Variants in MED28 observed in about 807,000 individuals in gnomAD.
MED28 encodes the protein mediator complex subunit 28, also known as mediator of RNA polymerase II transcription subunit 28.
Under a neutral mutation model 21.3 loss-of-function variants are expected in MED28, and 26 were observed. That is an observed-to-expected ratio of 1.22 (90% CI 0.89 to 1.69). The LOEUF is 1.69. MED28 is among the 40% of genes most tolerant of loss of function. The pLI is 0.00. For missense variants in MED28, 257 were observed against 215.4 expected, an observed-to-expected ratio of 1.19 and a Z score of -1.21; for synonymous variants, 110 against 87.6, an observed-to-expected ratio of 1.26 and a Z score of -1.43.
At position 17,622,425 on chromosome 4, in the gene MED28, A is replaced by G. The variant is rs191804954; in HGVS notation, c.339+726A>G. Among the ~76,000 whole-genome samples, 266 of 152,344 alleles carry G rather than the reference A, an allele frequency of 1.7e-3. 1 individual carries two copies. The highest frequency in any genetic ancestry group is 6.0e-3 in the African/African-American group (248 of 41,578). On this transcript the variant is annotated intron_variant, in intron 3 of 3. Coordinates refer to ENST00000237380, the MANE Select transcript of MED28 (RefSeq NM_025205.5). ...AGCTATTCTTACAGTTTATCATGTC[A>G]GATCATTTCCTGATGTGAATACTTG...
chr4:17,632,433 C>T lies in MED28; in HGVS notation c.*8635C>T, dbSNP rs1377185363. 6.1e-6 allele frequency: 6 copies of T among 987,760 alleles called. No homozygotes were observed. The highest frequency in any genetic ancestry group is 2.3e-4 in the Middle Eastern group (1 of 4,310). 61.2% of individuals were successfully genotyped at this position (987,760 alleles called of 1,614,324 possible). A position where few individuals can be genotyped will look rare whatever the true frequency, so the allele number is the denominator to read the frequency against. On this transcript the variant is annotated 3_prime_UTR_variant, in exon 4 of 4. Transcript: ENST00000237380. ...TTAGCTATCATATATAAATCATAAG[C>T]ATATTATTTGGTTGGTTGGTGTTAG...
At chr4:17,619,988 C>T (rs1383562148) in intron 2 of MED28, 21 bp downstream of exon 2, 1 of 1,607,652 alleles carries the variant, frequency 6.2e-7, no homozygotes, top group South Asian at 1.1e-5. Flanking sequence ...CCTCTGTGTA[C>T]ACAATGTTCT....
At chr4:17,616,971 C>T (rs951144616) in intron 1 of MED28, among the ~76,000 whole-genome samples, 2 of 152,188 alleles carry the variant, frequency 1.3e-5, no homozygotes, top group East Asian at 1.9e-4. Context: ...GAAAACCAGT[C>T]CCTGCCTTCA....
chr4:17,618,314 T>G (rs1265511528), intron 1 of MED28, among the ~76,000 whole-genome samples: 3 of 152,028 alleles, frequency 2.0e-5, no homozygotes, highest in Non-Finnish European at 2.9e-5. Context: ...ACCCTAAATT[T>G]TTTTCTTGAG....
At position 17,623,657 on chromosome 4, in the gene MED28, C is replaced by T. The variant is rs769153702; in HGVS notation, c.396C>T (p.His132=). The change falls in exon 4 of 4, where the codon CAC becomes CAT. Residue 132 remains histidine (H), a synonymous_variant. Coordinates refer to ENST00000237380, the MANE Select transcript of MED28 (RefSeq NM_025205.5). The part of the protein sequence containing the change: ...LQRKDALVQK[H]LTKLRHWQQV... Reference sequence around the variant, plus strand: ...GGAAAGATGCACTAGTCCAGAAGCACTTGACAAAGCTGAGGCATTGGCAGC... The same window carrying T: ...GGAAAGATGCACTAGTCCAGAAGCATTTGACAAAGCTGAGGCATTGGCAGC... The T allele has an allele frequency of 6.2e-7, 1 of 1,614,212 alleles. No homozygotes were observed.
At chr4:17,620,823 C>A (rs926547325) in intron 2 of MED28, among the ~76,000 whole-genome samples, 1 of 151,736 alleles carries the variant, frequency 6.6e-6, no homozygotes, top group African/African-American at 2.4e-5. Flanking sequence ...CCATTTCAGC[C>A]CCCCAGTAGC....
rs1470817953 is a variant in MED28, at chr4:17,632,672, A to G, written c.*8874A>G. The G allele has an allele frequency of 1.5e-6, 2 of 1,308,420 alleles. No homozygotes were observed. The highest frequency in any genetic ancestry group is 1.3e-5 in the South Asian group (1 of 78,154). 81.1% of individuals were successfully genotyped at this position (1,308,420 alleles called of 1,614,324 possible). A position where few individuals can be genotyped will look rare whatever the true frequency, so the allele number is the denominator to read the frequency against. On this transcript the variant is annotated 3_prime_UTR_variant, in exon 4 of 4. Transcript: ENST00000237380. ...TTTATATGGTTTTGAAAACTATGCAAGAAGCAGCTTAATACCCACCATCTT... is the reference window on the plus strand; with the variant it reads ...TTTATATGGTTTTGAAAACTATGCAGGAAGCAGCTTAATACCCACCATCTT...
rs1232218745 is a variant in MED28, at chr4:17,628,901, A to G, written c.*5103A>G. 3 of 152,316 alleles carry G rather than the reference A, an allele frequency of 2.0e-5. No homozygotes were observed. Among genetic ancestry groups the G allele is most frequent in the Non-Finnish European group, 4.4e-5 (3 of 68,138 alleles). 9.4% of individuals were successfully genotyped at this position (152,316 alleles called of 1,614,324 possible). A position where few individuals can be genotyped will look rare whatever the true frequency, so the allele number is the denominator to read the frequency against. On this transcript the variant is annotated 3_prime_UTR_variant, in exon 4 of 4. Coordinates refer to ENST00000237380, the MANE Select transcript of MED28 (RefSeq NM_025205.5). ...AATGGGAGGAGTCAAACTGTGGAAG[A>G]TAAGAGGAGTACTGCACACAAGGAC... is the stretch of plus-strand genomic sequence containing the variant.
In MED28 at chr4:17,614,663, T is replaced by C. The variant is rs2286772; in HGVS notation, c.9T>C (p.Ala3=). The part of the protein sequence containing the change: MA[A]PLGGMFSGQP... ...CTTGCGCCATTCCAAACATGGCGGC[T>C]CCACTAGGGGGTATGTTTTCTGGGC... Residue 3 remains alanine (A), a synonymous_variant, in exon 1 of 4, where the codon GCT becomes GCC. Transcript: ENST00000237380. The C allele has an allele frequency of 3.5e-4, 563 of 1,606,400 alleles. 7 individuals carry two copies. In the East Asian group the frequency reaches 0.012, roughly 35 times the overall value.
rs1158161611 is a variant in MED28 at position 17,632,629 on chromosome 4, A to G, written c.*8831A>G. ...GGCCGTTTCACCATCTGGGGTCCTA[A>G]AAGCAAAAAAAGGTTTTTTTATATG... On this transcript the variant is annotated 3_prime_UTR_variant, in exon 4 of 4. Transcript: ENST00000237380. 2.0e-6 allele frequency: 3 copies of G among 1,493,254 alleles called. No individual in the cohort carries two copies. Among genetic ancestry groups the G allele is most frequent in the African/African-American group, 1.4e-5 (1 of 69,534 alleles). 92.5% of individuals were successfully genotyped at this position (1,493,254 alleles called of 1,614,324 possible).
At chr4:17,616,201 C>T (rs959363125) in intron 1 of MED28, among the ~76,000 whole-genome samples, 3 of 152,134 alleles carry the variant, frequency 2.0e-5, no homozygotes, top group Non-Finnish European at 4.4e-5. Context: ...GTGATCCACC[C>T]GCCTCGGCCT....
rs985977722 is a variant in MED28, at chr4:17,629,201, C to G, written c.*5403C>G. On this transcript the variant is annotated 3_prime_UTR_variant, in exon 4 of 4. Transcript: ENST00000237380. Reference sequence around the variant, plus strand: ...TGAGCTGAGATGGCGCCACTGCACCCCAGCTTGGGTGACAGAGCAAGACTC... The same window carrying G: ...TGAGCTGAGATGGCGCCACTGCACCGCAGCTTGGGTGACAGAGCAAGACTC... 7 of 152,528 alleles carry G rather than the reference C, an allele frequency of 4.6e-5. No individual in the cohort carries two copies. The highest frequency in any genetic ancestry group is 1.7e-4 in the African/African-American group (7 of 41,430). The allele number at this position is 152,528 out of a possible 1,614,324, so 9.4% of individuals were successfully genotyped here.
In MED28 at chr4:17,614,801, G is replaced by A. The variant is rs1284207504; in HGVS notation, c.147G>A (p.Glu49=). The A allele has an allele frequency of 6.2e-7, 1 of 1,607,620 alleles. No homozygotes were observed. The highest frequency in any genetic ancestry group is 1.1e-5 in the South Asian group (1 of 90,742). ...GCAGTACTTTGGTGGACGAGTTGGA[G>A]TCATCTTTCGAGGTAATATAAGACA... is the stretch of plus-strand genomic sequence containing the variant. ...PSSSTLVDEL[E]SSFEACFASL... Residue 49 remains glutamate (E), a synonymous_variant, in exon 1 of 4, where the codon GAG becomes GAA. Transcript: ENST00000237380.
In MED28 at chr4:17,632,897, A is replaced by G. The variant is rs564489541; in HGVS notation, c.*9099A>G. The G allele has an allele frequency of 3.9e-4, 110 of 279,636 alleles. No individual in the cohort carries two copies. Among genetic ancestry groups the G allele is most frequent in the Non-Finnish European group, 6.9e-4 (100 of 143,898 alleles). The allele number at this position is 279,636 out of a possible 1,614,324, so 17.3% of individuals were successfully genotyped here. A position where few individuals can be genotyped will look rare whatever the true frequency, so the allele number is the denominator to read the frequency against. Reference sequence around the variant, plus strand: ...GTGGTTGTAGCTCTAATAATGCAGGATTAACCAAACCTACAGATCAAGAGA... The same window carrying G: ...GTGGTTGTAGCTCTAATAATGCAGGGTTAACCAAACCTACAGATCAAGAGA... On this transcript the variant is annotated 3_prime_UTR_variant, in exon 4 of 4. Coordinates refer to ENST00000237380, the MANE Select transcript of MED28 (RefSeq NM_025205.5).
chr4:17,619,640 G>T (rs962006441), intron 1 of MED28, among the ~76,000 whole-genome samples: 1 of 152,152 alleles, frequency 6.6e-6, no homozygotes, highest in African/African-American at 2.4e-5. Context: ...TGTGGAATAA[G>T]ATACAGGGAA....
chr4:17,630,986 C>G lies in MED28; in HGVS notation c.*7188C>G, dbSNP rs1332235200. On this transcript the variant is annotated 3_prime_UTR_variant, in exon 4 of 4. Transcript: ENST00000237380. ...GTTTGTGGGCCACCTTCTGGGCCAG[C>G]ACCAAAGACTGAAAAAATATTTTGC... The G allele has an allele frequency of 1.3e-5, 2 of 152,268 alleles. No homozygotes were observed. Among genetic ancestry groups the G allele is most frequent in the Non-Finnish European group, 2.9e-5 (2 of 68,022 alleles). 9.4% of individuals were successfully genotyped at this position (152,268 alleles called of 1,614,324 possible).
rs748589934 is a variant in MED28 at position 17,623,789 on chromosome 4, G to A, written c.528G>A (p.Lys176=). 2 of 1,613,342 alleles carry A rather than the reference G, an allele frequency of 1.2e-6. No individual in the cohort carries two copies. Among genetic ancestry groups the A allele is most frequent in the African/African-American group, 2.7e-5 (2 of 74,922 alleles). The change falls in exon 4 of 4, where the codon AAG becomes AAA. Residue 176 remains lysine (K), a synonymous_variant. Coordinates refer to ENST00000237380, the MANE Select transcript of MED28 (RefSeq NM_025205.5). ...CTGCCAACATCCCTGCACCTCTGAA[G>A]CCAACGTGAGCAAAGGGCAGAGGCA... The part of the protein sequence containing the change: ...QASANIPAPL[K]PT
Position 17,614,714 on chromosome 4 carries a change from G to T in MED28, c.60G>T (p.Pro20=), listed in dbSNP as rs757872963. ...SGQPPGPPQA[P]PGLPGQASLL... ...AGCCACCCGGTCCCCCTCAGGCCCC[G>T]CCGGGCCTTCCGGGCCAAGCTTCGC... The change falls in exon 1 of 4, where the codon CCG becomes CCT. Residue 20 remains proline (P), a synonymous_variant. Transcript: ENST00000237380. 1 of 1,614,084 alleles carries T rather than the reference G, an allele frequency of 6.2e-7. No individual in the cohort carries two copies. The highest frequency in any genetic ancestry group is 1.7e-5 in the Admixed American group (1 of 60,008).
At position 17,632,458 on chromosome 4, in the gene MED28, GT is replaced by G; in HGVS notation, c.*8662del. On this transcript the variant is annotated 3_prime_UTR_variant, in exon 4 of 4. Coordinates refer to ENST00000237380, the MANE Select transcript of MED28 (RefSeq NM_025205.5). ...CATATTATTTGGTTGGTTGGTGTTA[GT>G]TCATTCCTTCAATCGGATGATTTAA... is the stretch of plus-strand genomic sequence containing the variant. The G allele has an allele frequency of 7.8e-7, 1 of 1,282,070 alleles. No individual in the cohort carries two copies. 79.4% of individuals were successfully genotyped at this position (1,282,070 alleles called of 1,614,324 possible). A position where few individuals can be genotyped will look rare whatever the true frequency, so the allele number is the denominator to read the frequency against.
Sources: allele counts gnomAD v4.1 joint callset (sites outside exome capture counted in the v4.1 genomes callset), GRCh38; gene constraint gnomAD v4.1.1; transcripts MANE v1.5; gene names NCBI Gene and HGNC (gene_info 2026-07-23, HGNC 2026-07-21).